The following OPA1 variants were observed in gnomAD, a reference collection of about 807,000 sequenced individuals.
The protein encoded by OPA1 is dynamin-like GTPase OPA1, mitochondrial.
A neutral mutation model predicts 152.9 loss-of-function variants in OPA1; 59 were observed. The observed-to-expected ratio is 0.39, with a 90% CI of 0.31 to 0.48. The LOEUF (loss-of-function observed/expected upper bound fraction) is 0.48. Among genes scored for constraint, OPA1 ranks in the 20% least tolerant of loss-of-function variants. OPA1 has a pLI of 0.96. For synonymous variants in OPA1, 400 were observed against 389.9 expected (o/e 1.03, Z -0.31); for missense variants, 1,008 against 1,216.8 (o/e 0.83, Z 2.55).
Position 193,615,032 on chromosome 3 carries a change from A to T in OPA1, c.342A>T (p.Thr114=), listed in dbSNP as rs767052287. 6.2e-7 allele frequency: 1 copy of T among 1,613,306 alleles called. No homozygotes were observed. Among genetic ancestry groups the T allele is most frequent in the South Asian group, 1.1e-5 (1 of 91,066 alleles). ...GATCGGCTGTTGGGGGTGGCTACAC[A>T]GCCAAAAAGGTGAACTTGACATTCC... ...ILGSAVGGGY[T]AKKTFDQWKD... is the part of the protein sequence containing the mutation. Residue 114 remains threonine, a synonymous_variant, in exon 2 of 31, where the codon ACA becomes ACT. Coordinates refer to ENST00000361510, the MANE Select transcript of OPA1 (RefSeq NM_130837.3).
chr3:193,626,030 C>T, intron 6 of OPA1, 62 bp from the exon 7 acceptor site: 2 of 1,241,130 alleles, frequency 1.6e-6, no homozygotes, highest in East Asian at 2.3e-5. Context: ...TTTGTTGCAC[C>T]CTTGGTTTAA....
rs183757156 is a variant in OPA1, at chr3:193,645,343, G to A, written c.1609-210G>A. Among the ~76,000 whole-genome samples, 45 of 152,218 alleles carry A rather than the reference G, an allele frequency of 3.0e-4. No individual in the cohort carries two copies. In the East Asian group the frequency reaches 6.2e-3, roughly 21 times the overall value. Reference sequence around the variant, plus strand: ...GAACTACACATCATTCCGGGTTTTCGATACGTGTGTTTTAATAATACATTT... The same window carrying A: ...GAACTACACATCATTCCGGGTTTTCAATACGTGTGTTTTAATAATACATTT... On this transcript the variant is annotated intron_variant, in intron 16 of 30. Coordinates refer to ENST00000361510, the MANE Select transcript of OPA1 (RefSeq NM_130837.3).
At chr3:193,607,085 A>C (rs531515622) in intron 1 of OPA1, among the ~76,000 whole-genome samples, 15 of 152,162 alleles carry the variant, frequency 9.9e-5, no homozygotes, top group Admixed American at 2.0e-4. Context: ...GTGTCTGTTC[A>C]TATCCTTCAC....
chr3:193,684,536 C>T (rs1203215599), intron 29 of OPA1, among the ~76,000 whole-genome samples: 5 of 151,168 alleles, frequency 3.3e-5, no homozygotes, highest in South Asian at 2.1e-4. Context: ...CTACAACCTC[C>T]GCCTCCTGGA....
In OPA1 at chr3:193,696,829, GC is replaced by G. The variant is rs1437359868; in HGVS notation, c.*2230del. On this transcript the variant is annotated 3_prime_UTR_variant, in exon 31 of 31. Transcript: ENST00000361510. ...ATAGATGATATCCAAACTTAATTTG[GC>G]TAGGACTTCAATTTTAAAAATCAGT... is the stretch of plus-strand genomic sequence containing the variant. 2.6e-5 allele frequency: 4 copies of G among 152,150 alleles called. No homozygotes were observed. The highest frequency in any genetic ancestry group is 9.7e-5 in the African/African-American group (4 of 41,422). 9.4% of individuals were successfully genotyped at this position (152,150 alleles called of 1,614,324 possible).
intron 29 of OPA1, among the ~76,000 whole-genome samples, chr3:193,675,343 A>C (rs1246871309): frequency 4.0e-5 from 6 of 150,892 alleles, no homozygotes; most frequent in Admixed American, 2.0e-4. Flanking sequence ...AAAAAAAAAA[A>C]AAAAAAACAC....
At chr3:193,663,045 A>G (rs1312140027) in intron 26 of OPA1, 83 bp downstream of exon 26, 3 of 1,389,734 alleles carry the variant, frequency 2.2e-6, no homozygotes, top group Non-Finnish European at 3.0e-6. Flanking sequence ...TGTTAGTTAG[A>G]TATTTAAGTG....
chr3:193,656,707 C>T (rs1326202733), intron 22 of OPA1, among the ~76,000 whole-genome samples: 2 of 152,162 alleles, frequency 1.3e-5, no homozygotes, highest in Admixed American at 6.5e-5. Context: ...AGAGACAGCC[C>T]TGTTCAGCTA....
At position 193,615,017 on chromosome 3, in the gene OPA1, T is replaced by G. The variant is rs202054347; in HGVS notation, c.327T>G (p.Val109=). 1.9e-6 allele frequency: 3 copies of G among 1,614,114 alleles called. No homozygotes were observed. Among genetic ancestry groups the G allele is most frequent in the Non-Finnish European group, 2.5e-6 (3 of 1,179,950 alleles). The stretch of plus-strand genomic sequence containing the variant: ...GCTATCTCATACTAGGATCGGCTGT[T>G]GGGGGTGGCTACACAGCCAAAAAGG... ...KLRYLILGSA[V]GGGYTAKKTF... Residue 109 remains valine, a synonymous_variant, in exon 2 of 31, where the codon GTT becomes GTG. Transcript: ENST00000361510.
intron 1 of OPA1, among the ~76,000 whole-genome samples, chr3:193,609,371 T>G (rs1420600613): frequency 1.3e-5 from 2 of 152,210 alleles, no homozygotes; most frequent in East Asian, 3.8e-4. Flanking sequence ...TGGCCTCCAC[T>G]CTCTTCTGGC....
chr3:193,657,694 T>C (rs761761648), intron 23 of OPA1, among the ~76,000 whole-genome samples: 1 of 152,212 alleles, frequency 6.6e-6, no homozygotes, highest in African/African-American at 2.4e-5. Flanking sequence ...GCAAGCATTA[T>C]TTGATTTAAT....
intron 8 of OPA1, among the ~76,000 whole-genome samples, chr3:193,632,232 A>G (rs111608705): frequency 1.3e-5 from 2 of 152,366 alleles, no homozygotes; most frequent in African/African-American, 4.8e-5. Context: ...CTGTAATCCC[A>G]ACACTTTGGG....
Position 193,638,042 on chromosome 3 carries a change from A to G in OPA1, c.1126A>G (p.Met376Val), listed in dbSNP as rs863224132. The change falls in exon 11 of 31, where the codon ATG (methionine) becomes GTG (valine). Residue 376 changes from methionine to valine, a missense_variant. Coordinates refer to ENST00000361510, the MANE Select transcript of OPA1 (RefSeq NM_130837.3). ...ARIFPRGSGE[M>V]MTRSPVKVTL... is the part of the protein sequence containing the mutation. ...AATATTCCCAAGAGGATCTGGGGAG[A>G]TGATGACACGTTCTCCAGTTAAGGT... 1 of 1,613,722 alleles carries G rather than the reference A, an allele frequency of 6.2e-7. No homozygotes were observed. Among genetic ancestry groups the G allele is most frequent in the South Asian group, 1.1e-5 (1 of 91,048 alleles).
chr3:193,660,688 G>A (rs1715053833), intron 25 of OPA1, among the ~76,000 whole-genome samples: 1 of 151,018 alleles, frequency 6.6e-6, no homozygotes, highest in African/African-American at 2.4e-5. Flanking sequence ...CTTTTTCTCT[G>A]TGTTTCTTTA....
chr3:193,600,724 T>A (rs972105219), intron 1 of OPA1, among the ~76,000 whole-genome samples: 1 of 152,184 alleles, frequency 6.6e-6, no homozygotes, highest in African/African-American at 2.4e-5. Flanking sequence ...TTAATACAAG[T>A]CATAATAACT....
At chr3:193,672,804 G>A (rs186843741) in intron 29 of OPA1, among the ~76,000 whole-genome samples, 2 of 150,258 alleles carry the variant, frequency 1.3e-5, no homozygotes, top group East Asian at 2.0e-4. Flanking sequence ...GGGAGGCAGA[G>A]GTTGCAGTGA....
intron 2 of OPA1, 90 bp downstream of exon 2, chr3:193,615,131 T>C: frequency 9.8e-7 from 1 of 1,015,572 alleles, no homozygotes; most frequent in Non-Finnish European, 1.5e-6. Context: ...GGAATACAAT[T>C]GGATGTTTAA....
At chr3:193,672,160 C>T (rs1270020879) in intron 29 of OPA1, among the ~76,000 whole-genome samples, 2 of 152,130 alleles carry the variant, frequency 1.3e-5, no homozygotes, top group Non-Finnish European at 2.9e-5. Context: ...AGAATACTTT[C>T]TTTGGAGAGA....
At chr3:193,692,213 A>T (rs1721789012) in intron 30 of OPA1, 81 bp downstream of exon 30, 1 of 765,816 alleles carries the variant, frequency 1.3e-6, no homozygotes, top group Non-Finnish European at 2.3e-6. Context: ...ATTCTGCTTC[A>T]TTTACATCCT....
Sources: allele counts gnomAD v4.1 joint callset (sites outside exome capture counted in the v4.1 genomes callset), GRCh38; gene constraint gnomAD v4.1.1; transcripts MANE v1.5; gene names NCBI Gene and HGNC (gene_info 2026-07-23, HGNC 2026-07-21).